VWC2L: variants seen among roughly 807,000 people sequenced by gnomAD.
VWC2L encodes the protein von Willebrand factor C domain containing 2 like.
VWC2L carries 10 observed loss-of-function variants against 21.6 expected under a neutral mutation model. The ratio of observed to expected loss-of-function variants is 0.46; its 90% CI spans 0.29 to 0.78. VWC2L has a LOEUF of 0.78. Ranked by LOEUF, VWC2L falls within the 30% of genes least tolerant of loss-of-function variation. The pLI, the probability that VWC2L is intolerant of heterozygous loss-of-function variation, is 0.10. For synonymous variants in VWC2L, 96 were observed against 94.3 expected (o/e 1.02, Z -0.10); for missense variants, 209 against 277.1 (o/e 0.75, Z 1.74).
intron 3 of VWC2L, among the ~76,000 whole-genome samples, chr2:214,499,009 C>CTTTTTTTTTTTTTTTTTTTTTTTTTTT (rs56085205): frequency 1.2e-5 from 1 of 83,454 alleles, no homozygotes; most frequent in African/African-American, 6.1e-5. Context: ...TCGTACCATT[C>CTTTTTTTTTTTTTTTTTTTTTTTTTTT]TTTTTTTTTT....
At position 214,436,575 on chromosome 2, in the gene VWC2L, T is replaced by C. The variant is rs879602735; in HGVS notation, c.391-54T>C. 2.7e-5 allele frequency: 43 copies of C among 1,598,470 alleles called. 1 individual carries two copies. In the African/African-American group the frequency reaches 5.2e-4, roughly 19 times the overall value. ...GTTTTGTCTTCTGACAGCATATGAATGTGCAAGCATTAAGTTATAGGAGAA... is the reference window on the plus strand; with the variant it reads ...GTTTTGTCTTCTGACAGCATATGAACGTGCAAGCATTAAGTTATAGGAGAA... On this transcript the variant is annotated intron_variant, in intron 2 of 3. Coordinates refer to ENST00000312504, the MANE Select transcript of VWC2L (RefSeq NM_001080500.4).
intron 2 of VWC2L, among the ~76,000 whole-genome samples, chr2:214,424,516 A>G (rs1051541196): frequency 2.0e-5 from 3 of 152,292 alleles, no homozygotes; most frequent in African/African-American, 7.2e-5. Context: ...CTATGTACAC[A>G]TCTATAAAAG....
At chr2:214,461,675 G>T (rs1191410561) in intron 3 of VWC2L, among the ~76,000 whole-genome samples, 1 of 152,144 alleles carries the variant, frequency 6.6e-6, no homozygotes, top group Non-Finnish European at 1.5e-5. Flanking sequence ...GCAGTGCCAG[G>T]CTGGTAACTC....
intron 2 of VWC2L, among the ~76,000 whole-genome samples, chr2:214,428,282 A>G (rs1702554434): frequency 6.6e-6 from 1 of 152,238 alleles, no homozygotes; most frequent in Admixed American, 6.5e-5. Context: ...CCATCTTACA[A>G]GCGAAAAACC....
intron 3 of VWC2L, among the ~76,000 whole-genome samples, chr2:214,503,990 CTTATAT>C (rs1276881463): frequency 6.6e-6 from 1 of 151,768 alleles, no homozygotes; most frequent in African/African-American, 2.4e-5. Context: ...AAGAAGACCA[CTTATAT>C]TTAGACACTG....
rs746281224 is a variant in VWC2L, at chr2:214,575,653, A to G, written c.521-19A>G. On this transcript the variant is annotated intron_variant, in intron 3 of 3. Transcript: ENST00000312504. ...CCTCTCAGATTTAATCAACTAATCA[A>G]TGTATCTGTGTGTTTCAGGTCCAAA... The G allele has an allele frequency of 6.2e-7, 1 of 1,612,128 alleles. No individual in the cohort carries two copies. The highest frequency in any genetic ancestry group is 1.1e-5 in the South Asian group (1 of 90,928).
At chr2:214,506,276 GC>G (rs1688966779) in intron 3 of VWC2L, among the ~76,000 whole-genome samples, 1 of 152,110 alleles carries the variant, frequency 6.6e-6, no homozygotes, top group Admixed American at 6.5e-5. Context: ...CATTTGAAAA[GC>G]TTTTATAGAT....
chr2:214,569,304 A>G (rs1690114232), intron 3 of VWC2L, among the ~76,000 whole-genome samples: 1 of 151,998 alleles, frequency 6.6e-6, no homozygotes, highest in Non-Finnish European at 1.5e-5. Context: ...AATGAAATCA[A>G]TGTCTGTATT....
chr2:214,464,916 C>G (rs1190350193), intron 3 of VWC2L, among the ~76,000 whole-genome samples: 1 of 152,196 alleles, frequency 6.6e-6, no homozygotes, highest in Admixed American at 6.5e-5. Flanking sequence ...GTGGCCACCA[C>G]TGCCCCAAGC....
At chr2:214,494,466 T>C (rs1023249872) in intron 3 of VWC2L, among the ~76,000 whole-genome samples, 9 of 152,188 alleles carry the variant, frequency 5.9e-5, no homozygotes, top group African/African-American at 1.9e-4. Context: ...CCTCTGCATG[T>C]CTCTGAAGAG....
Position 214,522,401 on chromosome 2 carries a change from A to AT in VWC2L, c.521-53264dup, listed in dbSNP as rs375174263. Among the ~76,000 whole-genome samples, 267 of 139,676 alleles carry AT rather than the reference A, an allele frequency of 1.9e-3. 2 individuals carry two copies. The highest frequency in any genetic ancestry group is 0.01 in the South Asian group (44 of 4,394). The allele number at this position is 139,676 out of a possible 152,430, so 91.6% of individuals were successfully genotyped here. A position where few individuals can be genotyped will look rare whatever the true frequency, so the allele number is the denominator to read the frequency against. On this transcript the variant is annotated intron_variant, in intron 3 of 3. Transcript: ENST00000312504. ...AAAAAAAAAAAAAAAAAAAAATTGCATTTTTTTCCTCTTTGCTGATTCCTC... is the reference window on the plus strand; with the variant it reads ...AAAAAAAAAAAAAAAAAAAAATTGCATTTTTTTTCCTCTTTGCTGATTCCTC...
chr2:214,450,781 C>T (rs1461502438), intron 3 of VWC2L, among the ~76,000 whole-genome samples: 1 of 152,036 alleles, frequency 6.6e-6, no homozygotes, highest in Non-Finnish European at 1.5e-5. Flanking sequence ...GGAATGGTTG[C>T]CCTTTTCACA....
intron 3 of VWC2L, among the ~76,000 whole-genome samples, chr2:214,500,072 T>TAAG (rs1688870605): frequency 6.6e-6 from 1 of 152,190 alleles, no homozygotes; most frequent in South Asian, 2.1e-4. Context: ...CAGGCAAAGG[T>TAAG]AAGAGCAAGT....
At chr2:214,524,824 T>C (rs1303633273) in intron 3 of VWC2L, among the ~76,000 whole-genome samples, 1 of 152,122 alleles carries the variant, frequency 6.6e-6, no homozygotes, top group Non-Finnish European at 1.5e-5. Context: ...TCACACCAAA[T>C]ATATTGTAGA....
chr2:214,519,306 T>A (rs1689194945), intron 3 of VWC2L, among the ~76,000 whole-genome samples: 1 of 152,098 alleles, frequency 6.6e-6, no homozygotes, highest in African/African-American at 2.4e-5. Context: ...ACCAAGCACC[T>A]TTCATGGTCC....
chr2:214,554,124 C>A lies in VWC2L; in HGVS notation c.521-21548C>A, dbSNP rs542622672. On this transcript the variant is annotated intron_variant, in intron 3 of 3. Coordinates refer to ENST00000312504, the MANE Select transcript of VWC2L (RefSeq NM_001080500.4). Reference sequence around the variant, plus strand: ...CTTTACCAAAATAGTTCCTTTTCACCCCACAAGTCTCCACTCAGTCTTTAT... The same window carrying A: ...CTTTACCAAAATAGTTCCTTTTCACACCACAAGTCTCCACTCAGTCTTTAT... 3.3e-5 allele frequency among the ~76,000 whole-genome samples: 5 copies of A among 152,184 alleles called. No homozygotes were observed. The South Asian group carries it at 8.3e-4, about 25-fold the overall frequency.
chr2:214,446,371 CAAT>C (rs997517915), intron 3 of VWC2L, among the ~76,000 whole-genome samples: 16 of 152,140 alleles, frequency 1.1e-4, no homozygotes, highest in Admixed American at 1.0e-3. Context: ...GAGCCACAAA[CAAT>C]AATTTCCTAT....
intron 3 of VWC2L, among the ~76,000 whole-genome samples, chr2:214,562,801 C>G (rs1188052346): frequency 2.0e-5 from 3 of 152,162 alleles, no homozygotes; most frequent in East Asian, 1.9e-4. Context: ...CCTTTGCCCA[C>G]TTTTTAATGG....
At chr2:214,420,080 A>G (rs116249252) in intron 2 of VWC2L, among the ~76,000 whole-genome samples, 289 of 152,270 alleles carry the variant, frequency 1.9e-3, no homozygotes, top group African/African-American at 6.7e-3. Flanking sequence ...TAAGAAAATT[A>G]AGCCGTGGGA....
Sources: gnomAD v4.1 joint callset for allele counts (sites outside exome capture counted in the v4.1 genomes callset) on GRCh38, gnomAD v4.1.1 for gene constraint, MANE v1.5 for transcripts, NCBI Gene and HGNC (gene_info 2026-07-23, HGNC 2026-07-21) for gene names.